GALNTL5: variants seen among roughly 807,000 people sequenced by gnomAD.
GALNTL5 encodes inactive polypeptide N-acetylgalactosaminyltransferase-like protein 5.
Under a neutral mutation model 51.0 loss-of-function variants are expected in GALNTL5, and 44 were observed. That is an observed-to-expected ratio of 0.86 (90% CI 0.68 to 1.11). The LOEUF is 1.11. Ranked by LOEUF, GALNTL5 falls within the 50% of genes least tolerant of loss-of-function variation. The pLI is 0.00. For synonymous variants in GALNTL5, 192 were observed against 182.8 expected (o/e 1.05, Z -0.41); for missense variants, 528 against 531.8 (o/e 0.99, Z 0.07).
At chr7:151,977,568 T>C (rs2081222944) in intron 3 of GALNTL5, among the ~76,000 whole-genome samples, 1 of 152,202 alleles carries the variant, frequency 6.6e-6, no homozygotes, top group Admixed American at 6.5e-5. Flanking sequence ...TTTTGTATTA[T>C]CTTCATCAGA....
At chr7:151,987,390 G>C in intron 5 of GALNTL5, 109 bp downstream of exon 5, 1 of 950,472 alleles carries the variant, frequency 1.1e-6, no homozygotes, top group Non-Finnish European at 1.5e-6. Flanking sequence ...TGCTTCATCA[G>C]AAGAGTGGAA....
intron 5 of GALNTL5, among the ~76,000 whole-genome samples, chr7:151,998,628 T>C (rs1448794066): frequency 6.6e-6 from 1 of 151,980 alleles, no homozygotes; most frequent in Non-Finnish European, 1.5e-5. Context: ...AAAAATTAGC[T>C]GGACATGTTG....
At chr7:151,999,413 A>C (rs2081543090) in intron 5 of GALNTL5, among the ~76,000 whole-genome samples, 1 of 152,144 alleles carries the variant, frequency 6.6e-6, no homozygotes, top group Non-Finnish European at 1.5e-5. Context: ...TTCCAGGTTT[A>C]ATTTTTTGAG....
chr7:151,978,147 A>AT (rs1314577140), intron 3 of GALNTL5, among the ~76,000 whole-genome samples: 1 of 152,200 alleles, frequency 6.6e-6, no homozygotes, highest in East Asian at 1.9e-4. Flanking sequence ...TAATACATTT[A>AT]TAAATATTCA....
At chr7:151,962,902 C>G (rs2081009812) in intron 1 of GALNTL5, among the ~76,000 whole-genome samples, 1 of 152,206 alleles carries the variant, frequency 6.6e-6, no homozygotes, top group Admixed American at 6.5e-5. Flanking sequence ...AGCCACCATG[C>G]CCGGCCCATG....
intron 4 of GALNTL5, among the ~76,000 whole-genome samples, chr7:151,986,727 CTT>C (rs5888461): frequency 0.54 from 72,380 of 134,882 alleles, 19,774 homozygotes; most frequent in Middle Eastern, 0.71. Flanking sequence ...AAAATTCTAT[CTT>C]TTTTTTTTTT....
chr7:151,974,072 G>A (rs1353305114), intron 3 of GALNTL5, among the ~76,000 whole-genome samples: 1 of 152,106 alleles, frequency 6.6e-6, no homozygotes, highest in Non-Finnish European at 1.5e-5. Flanking sequence ...CAACCATGTG[G>A]AACTGTGGTC....
intron 2 of GALNTL5, among the ~76,000 whole-genome samples, chr7:151,968,177 C>T (rs1009469254): frequency 1.3e-5 from 2 of 151,968 alleles, no homozygotes; most frequent in Non-Finnish European, 2.9e-5. Context: ...TGCATGCCTG[C>T]AGTCCCAGCT....
chr7:152,013,808 T>C (rs958578117), intron 7 of GALNTL5, among the ~76,000 whole-genome samples: 4 of 152,254 alleles, frequency 2.6e-5, no homozygotes, highest in African/African-American at 9.6e-5. Flanking sequence ...GGGTTAATAT[T>C]GACTCACTCG....
intron 7 of GALNTL5, among the ~76,000 whole-genome samples, chr7:152,012,657 A>G (rs909311349): frequency 6.6e-6 from 1 of 152,198 alleles, no homozygotes; most frequent in East Asian, 1.9e-4. Flanking sequence ...CATGGAATCA[A>G]CCCAGATGCC....
At chr7:151,970,776 T>G (rs2081125074) in intron 2 of GALNTL5, 169 bp from the exon 3 acceptor site, 5 of 485,670 alleles carry the variant, frequency 1.0e-5, no homozygotes, top group Non-Finnish European at 1.9e-5. Flanking sequence ...CAAAATGTAC[T>G]AAAACACCCA....
chr7:151,965,322 G>A lies in GALNTL5; in HGVS notation c.-39-1886G>A, dbSNP rs888912401. Among the ~76,000 whole-genome samples, 14 of 152,130 alleles carry A rather than the reference G, an allele frequency of 9.2e-5. 1 individual carries two copies. Among genetic ancestry groups the A allele is most frequent in the South Asian group, 4.1e-4 (2 of 4,828 alleles). On this transcript the variant is annotated intron_variant, in intron 1 of 8. Coordinates refer to ENST00000392800, the MANE Select transcript of GALNTL5 (RefSeq NM_145292.4). ...CATGTGCATTGATGTTCCCTCTACC[G>A]CTCTCTTTTCCCATGAGAGTTTTTA...
chr7:151,977,304 CA>C (rs1342509138), intron 3 of GALNTL5, among the ~76,000 whole-genome samples: 3 of 152,094 alleles, frequency 2.0e-5, no homozygotes, highest in Admixed American at 6.6e-5. Context: ...GTCATTTCAA[CA>C]AAACCCAACC....
At chr7:152,018,716 C>T (rs1320047282) in intron 8 of GALNTL5, among the ~76,000 whole-genome samples, 2 of 152,112 alleles carry the variant, frequency 1.3e-5, no homozygotes, top group African/African-American at 2.4e-5. Flanking sequence ...TGGCATCCTC[C>T]CCCACCTGCA....
intron 1 of GALNTL5, among the ~76,000 whole-genome samples, chr7:151,958,049 C>G (rs1319983712): frequency 6.6e-6 from 1 of 152,112 alleles, no homozygotes; most frequent in East Asian, 1.9e-4. Flanking sequence ...GAGAATTCCC[C>G]CCAAGTTTTC....
chr7:152,011,627 T>G (rs186224047), intron 7 of GALNTL5, among the ~76,000 whole-genome samples: 3 of 152,354 alleles, frequency 2.0e-5, no homozygotes, highest in Admixed American at 6.5e-5. Context: ...CACCCAAGGT[T>G]GCTAAATCTC....
At chr7:152,011,689 G>A (rs1174801403) in intron 7 of GALNTL5, among the ~76,000 whole-genome samples, 6 of 152,238 alleles carry the variant, frequency 3.9e-5, no homozygotes, top group African/African-American at 1.4e-4. Context: ...TAGAGAAATA[G>A]TCAAGCAAAT....
chr7:151,964,268 C>T (rs767910286), intron 1 of GALNTL5, among the ~76,000 whole-genome samples: 14 of 152,162 alleles, frequency 9.2e-5, no homozygotes, highest in East Asian at 3.8e-4. Context: ...CAAATGCAGT[C>T]GCACTGGGGC....
At chr7:151,981,876 G>T (rs1190004150) in intron 3 of GALNTL5, among the ~76,000 whole-genome samples, 1 of 150,526 alleles carries the variant, frequency 6.6e-6, no homozygotes, top group Non-Finnish European at 1.5e-5. Flanking sequence ...TCGAACTCCT[G>T]ACCTCATGTG....
Sources: gnomAD v4.1 joint callset for allele counts (sites outside exome capture counted in the v4.1 genomes callset) on GRCh38, gnomAD v4.1.1 for gene constraint, MANE v1.5 for transcripts, NCBI Gene and HGNC (gene_info 2026-07-23, HGNC 2026-07-21) for gene names.